The following PIAS4 variants were observed in gnomAD, a reference collection of about 807,000 sequenced individuals.
PIAS4 encodes protein inhibitor of activated STAT 4, also known as E3 SUMO-protein ligase PIAS4.
A neutral mutation model predicts 58.0 loss-of-function variants in PIAS4; 7 were observed. The ratio of observed to expected loss-of-function variants is 0.12; its 90% CI spans 0.07 to 0.23. The LOEUF is 0.23. Among genes scored for constraint, PIAS4 ranks in the 10% least tolerant of loss-of-function variants. The pLI, the probability that PIAS4 is intolerant of heterozygous loss-of-function variation, is 1.00. For synonymous variants in PIAS4, 364 were observed against 312.4 expected, an observed-to-expected ratio of 1.17 and a Z score of -1.74; for missense variants, 550 against 709.5, an observed-to-expected ratio of 0.78 and a Z score of 2.55.
Position 4,038,501 on chromosome 19 carries a change from G to C in PIAS4, c.*626G>C, listed in dbSNP as rs1227191618. 1.3e-5 allele frequency: 2 copies of C among 152,100 alleles called. No individual in the cohort carries two copies. Among genetic ancestry groups the C allele is most frequent in the Non-Finnish European group, 2.9e-5 (2 of 68,018 alleles). 9.4% of individuals were successfully genotyped at this position (152,100 alleles called of 1,614,324 possible). A position where few individuals can be genotyped will look rare whatever the true frequency, so the allele number is the denominator to read the frequency against. ...TGGGGGTACAGTGGGCGGCTGGGGAGGGTTTAGCCACAGATGTGTTGTATT... is the reference window on the plus strand; with the variant it reads ...TGGGGGTACAGTGGGCGGCTGGGGACGGTTTAGCCACAGATGTGTTGTATT... On this transcript the variant is annotated 3_prime_UTR_variant, in exon 11 of 11. Transcript: ENST00000262971. The surrounding 1 kb of genome is among the most constrained non-coding windows in gnomAD (Gnocchi z 4.1).
At chr19:4,009,437 C>G (rs150952778) in intron 1 of PIAS4, among the ~76,000 whole-genome samples, 1 of 152,084 alleles carries the variant, frequency 6.6e-6, no homozygotes, top group Non-Finnish European at 1.5e-5. Context: ...CCTCCCGTTT[C>G]GGGGCTTGGA....
chr19:4,037,345 C>T lies in PIAS4; in HGVS notation c.1143-29C>T. Reference sequence around the variant, plus strand: ...GTTGGGGGGGTGGGGCACCTCCAGCCCCGGCGTCAGCTGTCCGCCTCGCCC... The same window carrying T: ...GTTGGGGGGGTGGGGCACCTCCAGCTCCGGCGTCAGCTGTCCGCCTCGCCC... On this transcript the variant is annotated intron_variant, in intron 9 of 10. Coordinates refer to ENST00000262971, the MANE Select transcript of PIAS4 (RefSeq NM_015897.4). The surrounding 1 kb of genome is among the most constrained non-coding windows in gnomAD (Gnocchi z 5.8). The T allele has an allele frequency of 6.3e-7, 1 of 1,583,374 alleles. No homozygotes were observed. The highest frequency in any genetic ancestry group is 1.1e-5 in the South Asian group (1 of 88,360).
Position 4,012,948 on chromosome 19 carries a change from C to T in PIAS4, c.53C>T (p.Ser18Phe), listed in dbSNP as rs2040010777. 6.2e-7 allele frequency: 1 copy of T among 1,613,230 alleles called. No individual in the cohort carries two copies. The highest frequency in any genetic ancestry group is 1.7e-5 in the Admixed American group (1 of 59,982). Residue 18 changes from serine to phenylalanine, a missense_variant, in exon 2 of 11, where the codon TCC becomes TTC. Around this residue, in one of 4 missense-constraint regions of PIAS4, gnomAD observed 42 missense variants for 84.3 expected, o/e 0.50. Transcript: ENST00000262971. ...AACATGGTGATGAGTTTTCGAGTCT[C>T]CGACCTTCAGATGCTCCTGGGTTTC... is the stretch of plus-strand genomic sequence containing the variant. ...AKNMVMSFRV[S>F]DLQMLLGFVG...
intron 7 of PIAS4, among the ~76,000 whole-genome samples, chr19:4,030,351 GGCTCACACC>G (rs1398953339): frequency 0.019 from 2,796 of 148,384 alleles, 5 homozygotes; most frequent in Middle Eastern, 0.034. Context: ...AAGGCGCAGT[GGCTCACACC>G]TGTAATCCCA....
chr19:4,033,605 C>T lies in PIAS4; in HGVS notation c.1142+25C>T, dbSNP rs200518209. 1.2e-5 allele frequency: 19 copies of T among 1,565,912 alleles called. 1 individual carries two copies. Among genetic ancestry groups the T allele is most frequent in the Middle Eastern group, 1.7e-4 (1 of 5,948 alleles). On this transcript the variant is annotated intron_variant, in intron 9 of 10. Coordinates refer to ENST00000262971, the MANE Select transcript of PIAS4 (RefSeq NM_015897.4). ...GGTGAGCCCGGGGCCCCGGGGAGGG[C>T]GGCCGGAGCCGGACATCCGTGGAGG...
intron 7 of PIAS4, 74 bp downstream of exon 7, chr19:4,029,110 G>A (rs928795996): frequency 1.6e-5 from 17 of 1,074,518 alleles, no homozygotes; most frequent in African/African-American, 7.8e-5. Context: ...TGGGTGAAGC[G>A]GGGGGCCCTG....
chr19:4,008,476 GTC>G (rs2039964040), intron 1 of PIAS4, among the ~76,000 whole-genome samples: 1 of 152,138 alleles, frequency 6.6e-6, no homozygotes, highest in African/African-American at 2.4e-5. Context: ...TCCCGACACC[GTC>G]TCTCACACGC....
chr19:4,028,009 G>T lies in PIAS4; in HGVS notation c.540-137G>T. ...CCTCTCACCCAGCCCGTACAAAAGA[G>T]TCCTGGGCCTCAGTTTCCCAGCTCT... On this transcript the variant is annotated intron_variant, in intron 3 of 10. Coordinates refer to ENST00000262971, the MANE Select transcript of PIAS4 (RefSeq NM_015897.4). 9.4e-6 allele frequency: 8 copies of T among 855,548 alleles called. No individual in the cohort carries two copies. In the South Asian group the frequency reaches 1.1e-4, roughly 11 times the overall value. The allele number at this position is 855,548 out of a possible 1,614,324, so 53.0% of individuals were successfully genotyped here.
At chr19:4,016,100 T>G (rs1316650920) in intron 2 of PIAS4, among the ~76,000 whole-genome samples, 1 of 152,226 alleles carries the variant, frequency 6.6e-6, no homozygotes, top group Non-Finnish European at 1.5e-5. Flanking sequence ...GGCCTGGACC[T>G]CTGCAGGCTG....
chr19:4,026,240 C>T (rs1286230982), intron 3 of PIAS4, among the ~76,000 whole-genome samples: 2 of 145,786 alleles, frequency 1.4e-5, no homozygotes, highest in East Asian at 2.0e-4. Flanking sequence ...TCAAGCGATT[C>T]TCCTGACTCA....
At chr19:4,012,149 A>G (rs62131485) in intron 1 of PIAS4, among the ~76,000 whole-genome samples, 40,882 of 133,306 alleles carry the variant, frequency 0.31, 8,212 homozygotes, top group African/African-American at 0.4. Context: ...CCACAGGGCC[A>G]AGGAGGAGAA....
chr19:4,032,147 AG>A (rs2040228252), intron 7 of PIAS4, among the ~76,000 whole-genome samples: 1 of 151,804 alleles, frequency 6.6e-6, no homozygotes, highest in Non-Finnish European at 1.5e-5. Context: ...GTGGTGTTTC[AG>A]GCCAATAAGG....
chr19:4,019,871 A>G (rs1318225437), intron 2 of PIAS4, among the ~76,000 whole-genome samples: 1 of 151,810 alleles, frequency 6.6e-6, no homozygotes, highest in Non-Finnish European at 1.5e-5. Flanking sequence ...GGCTGAGGCC[A>G]CAGAGGCCCT....
chr19:4,029,625 A>C (rs1031923940), intron 7 of PIAS4, among the ~76,000 whole-genome samples: 1 of 148,700 alleles, frequency 6.7e-6, no homozygotes, highest in East Asian at 2.0e-4. Flanking sequence ...GCATCGCTGC[A>C]CTCCAGCCTG....
intron 1 of PIAS4, among the ~76,000 whole-genome samples, chr19:4,009,749 A>G (rs988111220): frequency 3.9e-5 from 6 of 152,130 alleles, no homozygotes; most frequent in African/African-American, 1.4e-4. Context: ...CCAGCCTGTC[A>G]TATTCATGGC....
intron 9 of PIAS4, 107 bp downstream of exon 9, chr19:4,033,687 TG>T (rs1174318126): frequency 2.7e-5 from 24 of 891,354 alleles, no homozygotes; most frequent in Non-Finnish European, 3.9e-5. Flanking sequence ...GACACAGCAG[TG>T]GGGGCACATG....
chr19:4,030,180 C>T (rs964938478), intron 7 of PIAS4, among the ~76,000 whole-genome samples: 1 of 141,592 alleles, frequency 7.1e-6, no homozygotes, highest in African/African-American at 2.5e-5. Flanking sequence ...CCAGGCTGGT[C>T]GTAAACTCCT....
intron 2 of PIAS4, among the ~76,000 whole-genome samples, chr19:4,022,594 C>T (rs2040121079): frequency 6.6e-6 from 1 of 151,928 alleles, no homozygotes; most frequent in Non-Finnish European, 1.5e-5. Context: ...TCTCGATCTC[C>T]TGACCTCGTG....
Position 4,035,403 on chromosome 19 carries a change from C to T in PIAS4, c.1142+1823C>T, listed in dbSNP as rs989505072. Among the ~76,000 whole-genome samples the T allele has an allele frequency of 5.9e-5, 9 of 152,206 alleles. No individual in the cohort carries two copies. In the South Asian group the frequency reaches 8.3e-4, roughly 14 times the overall value. On this transcript the variant is annotated intron_variant, in intron 9 of 10. Transcript: ENST00000262971. ...GGAGACTGAGGCCCTTTGGCTAAGACGGGTTGGGGAGCAGAACCAGGGCCT... is the reference window on the plus strand; with the variant it reads ...GGAGACTGAGGCCCTTTGGCTAAGATGGGTTGGGGAGCAGAACCAGGGCCT...
Sources: gnomAD v4.1 joint callset for allele counts (sites outside exome capture counted in the v4.1 genomes callset) on GRCh38, gnomAD v4.1.1 for gene constraint, gnomAD v4.1.1 regional missense constraint, Gnocchi (gnomAD v3.1) non-coding constraint, MANE v1.5 for transcripts, NCBI Gene and HGNC (gene_info 2026-07-23, HGNC 2026-07-21) for gene names.